Variants in PDZD2 observed in about 807,000 individuals in gnomAD.
The protein encoded by PDZD2 is PDZ domain containing 2.
PDZD2 carries 90 observed loss-of-function variants against 220.7 expected under a neutral mutation model. The observed-to-expected ratio is 0.41, with a 90% CI of 0.34 to 0.49. The LOEUF is 0.49. Among genes scored for constraint, PDZD2 ranks in the 20% least tolerant of loss-of-function variants. The pLI is 0.28. For synonymous variants in PDZD2, 1,375 were observed against 1,450.5 expected, an observed-to-expected ratio of 0.95 and a Z score of 1.18; for missense variants, 3,174 against 3,608.5, an observed-to-expected ratio of 0.88 and a Z score of 3.08.
intron 2 of PDZD2, among the ~76,000 whole-genome samples, chr5:31,885,377 C>G (rs1466352020): frequency 6.6e-6 from 1 of 152,044 alleles, no homozygotes; most frequent in Non-Finnish European, 1.5e-5. Flanking sequence ...AGACACGTCA[C>G]AGGTATTTTG....
intron 1 of PDZD2, among the ~76,000 whole-genome samples, chr5:31,773,221 G>A: frequency 6.6e-6 from 1 of 152,084 alleles, no homozygotes; most frequent in East Asian, 1.9e-4. Flanking sequence ...GTCAACTTGG[G>A]GCTAGTAGCC....
chr5:31,810,211 C>T (rs915508282), intron 2 of PDZD2, among the ~76,000 whole-genome samples: 3 of 151,646 alleles, frequency 2.0e-5, no homozygotes, highest in African/African-American at 7.3e-5. Context: ...TTTATTCTCT[C>T]GTTTTGAGCA....
chr5:31,759,835 G>C (rs1751526779), intron 1 of PDZD2, among the ~76,000 whole-genome samples: 1 of 152,124 alleles, frequency 6.6e-6, no homozygotes, highest in African/African-American at 2.4e-5. Flanking sequence ...ATGAGCCACT[G>C]CGCCTGGCCT....
intron 1 of PDZD2, among the ~76,000 whole-genome samples, chr5:31,666,278 A>G (rs1745983583): frequency 6.6e-6 from 1 of 152,220 alleles, no homozygotes; most frequent in Non-Finnish European, 1.5e-5. Flanking sequence ...CTCTAGGGTC[A>G]GAACAATCAT....
chr5:31,791,237 G>GC (rs1343376503), intron 1 of PDZD2, among the ~76,000 whole-genome samples: 2 of 152,138 alleles, frequency 1.3e-5, no homozygotes, highest in African/African-American at 2.4e-5. Flanking sequence ...CAAAGTGATA[G>GC]TTCTCTTTAT....
intron 16 of PDZD2, 67 bp from the exon 17 acceptor site, chr5:32,072,094 G>A (rs1394040915): frequency 9.7e-6 from 11 of 1,133,608 alleles, no homozygotes; most frequent in Admixed American, 3.9e-5. Flanking sequence ...AAGATAGGAC[G>A]TAATAACCCT....
At chr5:31,827,870 T>C (rs1413489660) in intron 2 of PDZD2, among the ~76,000 whole-genome samples, 1 of 152,102 alleles carries the variant, frequency 6.6e-6, no homozygotes, top group Non-Finnish European at 1.5e-5. Flanking sequence ...AGAAGACACA[T>C]ACCTATTACA....
chr5:31,898,196 C>A (rs941782327), intron 2 of PDZD2, among the ~76,000 whole-genome samples: 5 of 152,204 alleles, frequency 3.3e-5, no homozygotes, highest in African/African-American at 9.7e-5. Context: ...AGCTGGCTTG[C>A]TTCAAATCTG....
intron 2 of PDZD2, among the ~76,000 whole-genome samples, chr5:31,934,003 A>G (rs932920760): frequency 6.6e-6 from 1 of 152,186 alleles, no homozygotes; most frequent in African/African-American, 2.4e-5. Context: ...TTCCCCTTAA[A>G]GCAAAACTAT....
intron 7 of PDZD2, among the ~76,000 whole-genome samples, chr5:32,045,377 G>A (rs948184517): frequency 6.6e-6 from 1 of 150,854 alleles, no homozygotes; most frequent in Non-Finnish European, 1.5e-5. Flanking sequence ...TTTTAATTTT[G>A]GTACTTTCAG....
At chr5:31,703,976 T>C (rs1484132289) in intron 1 of PDZD2, among the ~76,000 whole-genome samples, 1 of 150,326 alleles carries the variant, frequency 6.7e-6, no homozygotes, top group African/African-American at 2.4e-5. Flanking sequence ...TCTCTCTCTC[T>C]TTCTTTCCTT....
chr5:32,091,231 T>C, intron 20 of PDZD2, 56 bp downstream of exon 20: 2 of 1,368,678 alleles, frequency 1.5e-6, no homozygotes, highest in Non-Finnish European at 2.0e-6. Flanking sequence ...TTTGGAATAG[T>C]TTTAGATTTA....
chr5:31,739,221 T>G (rs914912994), intron 1 of PDZD2, among the ~76,000 whole-genome samples: 1 of 152,172 alleles, frequency 6.6e-6, no homozygotes, highest in Non-Finnish European at 1.5e-5. Context: ...GGCTACTGCC[T>G]TTTTTGGAAG....
At chr5:31,948,257 A>T (rs1048223645) in intron 2 of PDZD2, among the ~76,000 whole-genome samples, 1 of 152,134 alleles carries the variant, frequency 6.6e-6, no homozygotes, top group Admixed American at 6.5e-5. Flanking sequence ...AAGCTGGGAC[A>T]TGTAAGTCAG....
chr5:32,109,027 C>G lies in PDZD2; in HGVS notation c.*892C>G, dbSNP rs1745099062. 8.2e-6 allele frequency: 1 copy of G among 121,822 alleles called. No individual in the cohort carries two copies. The highest frequency in any genetic ancestry group is 1.9e-5 in the Non-Finnish European group (1 of 53,160). The allele number at this position is 121,822 out of a possible 1,614,324, so 7.5% of individuals were successfully genotyped here. A position where few individuals can be genotyped will look rare whatever the true frequency, so the allele number is the denominator to read the frequency against. On this transcript the variant is annotated 3_prime_UTR_variant, in exon 25 of 25. Coordinates refer to ENST00000438447, the MANE Select transcript of PDZD2 (RefSeq NM_178140.4). ...CAAGACTGGTCAGTCCAAGAGCAGA[C>G]AAAAATATCACAAGTCAGTCAGTCA...
rs1742874226 is a variant in PDZD2, at chr5:32,089,570, C to T, written c.6122C>T (p.Ser2041Phe). The change falls in exon 20 of 25, where the codon TCT becomes TTT. Residue 2041 changes from serine (S) to phenylalanine (F), a missense_variant. Coordinates refer to ENST00000438447, the MANE Select transcript of PDZD2 (RefSeq NM_178140.4). ...ADSGPVSPAASRNGMSVAGNR... is the reference protein window; with the variant it reads ...ADSGPVSPAAFRNGMSVAGNR... ...TCCGGGCCGGTGAGTCCGGCAGCGT[C>T]TAGGAACGGCATGTCCGTGGCAGGG... 6.2e-7 allele frequency: 1 copy of T among 1,612,372 alleles called. No homozygotes were observed. Among genetic ancestry groups the T allele is most frequent in the South Asian group, 1.1e-5 (1 of 91,084 alleles).
chr5:31,989,421 C>CTTTTTTTTT (rs869045113), intron 3 of PDZD2, among the ~76,000 whole-genome samples: 4 of 119,902 alleles, frequency 3.3e-5, no homozygotes, highest in South Asian at 2.8e-4. Flanking sequence ...ATTTTCTTTT[C>CTTTTTTTTT]TTTTTTTTTT....
At chr5:31,859,449 A>G (rs992719206) in intron 2 of PDZD2, among the ~76,000 whole-genome samples, 1 of 152,162 alleles carries the variant, frequency 6.6e-6, no homozygotes, top group Non-Finnish European at 1.5e-5. Flanking sequence ...CCATATGTTC[A>G]GTTTTTATGT....
intron 1 of PDZD2, among the ~76,000 whole-genome samples, chr5:31,671,168 T>G (rs1746201347): frequency 6.6e-6 from 1 of 152,016 alleles, no homozygotes; most frequent in African/African-American, 2.4e-5. Context: ...GCCAGGAGGA[T>G]TCACAGAAGT....
Sources: allele counts gnomAD v4.1 joint callset (sites outside exome capture counted in the v4.1 genomes callset), GRCh38; gene constraint gnomAD v4.1.1; transcripts MANE v1.5; gene names NCBI Gene and HGNC (gene_info 2026-07-23, HGNC 2026-07-21).